IQCM: variants seen among roughly 807,000 people sequenced by gnomAD.
IQCM encodes IQ domain-containing protein M.
Under a neutral mutation model 57.6 loss-of-function variants are expected in IQCM, and 45 were observed. The observed-to-expected ratio is 0.78, with a 90% CI of 0.62 to 1.00. The LOEUF is 1.00. Ranked by LOEUF, IQCM falls within the 50% of genes least tolerant of loss-of-function variation. The pLI is 0.00. For missense variants in IQCM, 468 were observed against 511.6 expected (o/e 0.91, Z 0.82); for synonymous variants, 148 against 158.9 (o/e 0.93, Z 0.51).
At chr4:149,796,011 G>A (rs778082569) in intron 2 of IQCM, among the ~76,000 whole-genome samples, 3 of 152,166 alleles carry the variant, frequency 2.0e-5, no homozygotes, top group Admixed American at 1.3e-4. Flanking sequence ...AGCTATGGTG[G>A]CCCTGGGGCG....
chr4:149,619,107 GAT>G (rs70965194), intron 8 of IQCM, among the ~76,000 whole-genome samples: 38,364 of 126,680 alleles, frequency 0.3, 6,220 homozygotes, highest in African/African-American at 0.48. Context: ...ATGTGGGATG[GAT>G]ATATATATAT....
chr4:149,794,432 G>C (rs1471899473), intron 2 of IQCM, among the ~76,000 whole-genome samples: 2 of 152,204 alleles, frequency 1.3e-5, no homozygotes, highest in African/African-American at 4.8e-5. Flanking sequence ...CTGAATCAGT[G>C]AATGTGTTCA....
At chr4:149,776,236 G>A (rs1771079762) in intron 2 of IQCM, among the ~76,000 whole-genome samples, 1 of 151,950 alleles carries the variant, frequency 6.6e-6, no homozygotes, top group African/African-American at 2.4e-5. Flanking sequence ...CCCTAACTAT[G>A]GCACACAATG....
Position 149,618,294 on chromosome 4 carries a change from G to C in IQCM, c.681+2835C>G, listed in dbSNP as rs183085552. On this transcript the variant is annotated intron_variant, in intron 8 of 13. Coordinates refer to ENST00000636793, the MANE Select transcript of IQCM (RefSeq NM_001363507.2). ...GAAATGGTGCTGGTAAAATTGGAAA[G>C]CCATATGCAGAAGAATAAAACTGGA... Among the ~76,000 whole-genome samples the C allele has an allele frequency of 7.1e-4, 108 of 152,222 alleles. 1 individual carries two copies. The Middle Eastern group carries it at 0.014, about 19-fold the overall frequency.
At chr4:149,716,257 T>C (rs907649234) in intron 5 of IQCM, among the ~76,000 whole-genome samples, 1 of 152,088 alleles carries the variant, frequency 6.6e-6, no homozygotes, top group African/African-American at 2.4e-5. Flanking sequence ...TGCCCAAAGT[T>C]TGGAGGAGGC....
At chr4:149,695,244 A>G (rs1763252026) in intron 5 of IQCM, among the ~76,000 whole-genome samples, 1 of 152,212 alleles carries the variant, frequency 6.6e-6, no homozygotes, top group Non-Finnish European at 1.5e-5. Context: ...TATTTACTGA[A>G]TACCTACAAT....
At chr4:149,360,794 G>A (rs939881015) in intron 13 of IQCM, among the ~76,000 whole-genome samples, 1 of 152,052 alleles carries the variant, frequency 6.6e-6, no homozygotes, top group African/African-American at 2.4e-5. Context: ...TTATTAGCAG[G>A]GTGAAAACAG....
chr4:149,633,167 CA>C (rs71596216), intron 7 of IQCM, among the ~76,000 whole-genome samples: 1,094 of 22,880 alleles, frequency 0.048, 1 homozygote, highest in African/African-American at 0.059. Flanking sequence ...GACTCCGTCT[CA>C]AAAAAAAAAA....
chr4:149,782,246 C>T (rs2150010903), intron 2 of IQCM, among the ~76,000 whole-genome samples: 1 of 151,976 alleles, frequency 6.6e-6, no homozygotes. Context: ...TATACACATA[C>T]ATGCAAACTG....
At chr4:149,465,240 A>C (rs1343818226) in intron 12 of IQCM, among the ~76,000 whole-genome samples, 1 of 152,308 alleles carries the variant, frequency 6.6e-6, no homozygotes, top group Middle Eastern at 3.4e-3. Flanking sequence ...TTTTTAATCA[A>C]TTGATTAACA....
At chr4:149,368,930 A>G (rs1730115569) in intron 13 of IQCM, among the ~76,000 whole-genome samples, 1 of 82,198 alleles carries the variant, frequency 1.2e-5, no homozygotes, top group Non-Finnish European at 2.5e-5. Flanking sequence ...ATATATATAC[A>G]CGTGTATATA....
At position 149,553,301 on chromosome 4, in the gene IQCM, AAAGCTCCTTAT is replaced by A; in HGVS notation, c.949-25_949-15del. On this transcript the variant is annotated splice_polypyrimidine_tract_variant and intron_variant, in intron 10 of 13. Transcript: ENST00000636793. ...ATGATCCAAAGCCTACAAAGACAGA[AAAGCTCCTTAT>A]ATATTTCTGGTATTTATATTTAATT... The A allele has an allele frequency of 8.1e-7, 1 of 1,231,194 alleles. No individual in the cohort carries two copies. Among genetic ancestry groups the A allele is most frequent in the Non-Finnish European group, 1.0e-6 (1 of 987,120 alleles). The allele number at this position is 1,231,194 out of a possible 1,614,324, so 76.3% of individuals were successfully genotyped here.
intron 8 of IQCM, among the ~76,000 whole-genome samples, chr4:149,608,643 A>G (rs1579682514): frequency 6.6e-6 from 1 of 151,914 alleles, no homozygotes; most frequent in East Asian, 1.9e-4. Flanking sequence ...ATGGAACTTA[A>G]TATATTCCCA....
At chr4:149,598,440 A>G (rs1445086266) in intron 8 of IQCM, among the ~76,000 whole-genome samples, 1 of 152,176 alleles carries the variant, frequency 6.6e-6, no homozygotes, top group African/African-American at 2.4e-5. Context: ...GCAGAAATGA[A>G]AGATAGCACA....
chr4:149,475,339 C>T (rs1389566745), intron 12 of IQCM, among the ~76,000 whole-genome samples: 4 of 152,088 alleles, frequency 2.6e-5, no homozygotes, highest in Non-Finnish European at 5.9e-5. Context: ...ATGGAGTTGT[C>T]ATTAACTAAG....
At chr4:149,539,258 A>G (rs1404770864) in intron 12 of IQCM, among the ~76,000 whole-genome samples, 4 of 152,164 alleles carry the variant, frequency 2.6e-5, no homozygotes, top group African/African-American at 7.2e-5. Context: ...ATGTTACAAC[A>G]TGGATGAACT....
chr4:149,612,460 C>T (rs1579697988), intron 8 of IQCM, among the ~76,000 whole-genome samples: 1 of 152,212 alleles, frequency 6.6e-6, no homozygotes, highest in African/African-American at 2.4e-5. Context: ...GATTTACAAC[C>T]TTTGTGAAAC....
At chr4:149,420,824 G>A (rs964691553) in intron 13 of IQCM, among the ~76,000 whole-genome samples, 1 of 151,890 alleles carries the variant, frequency 6.6e-6, no homozygotes, top group Non-Finnish European at 1.5e-5. Flanking sequence ...TCATCCTCTT[G>A]ACTTTTGCCT....
chr4:149,589,161 TA>T (rs1752898762), intron 8 of IQCM, among the ~76,000 whole-genome samples: 1 of 151,944 alleles, frequency 6.6e-6, no homozygotes. Context: ...AATTTTTGTA[TA>T]AAATAGCTTT....
Sources: allele counts gnomAD v4.1 joint callset (sites outside exome capture counted in the v4.1 genomes callset), GRCh38; gene constraint gnomAD v4.1.1; transcripts MANE v1.5; gene names NCBI Gene and HGNC (gene_info 2026-07-23, HGNC 2026-07-21).